MYO9A: variants seen among roughly 807,000 people sequenced by gnomAD.
The protein encoded by MYO9A is unconventional myosin-IXa.
Under a neutral mutation model 293.3 loss-of-function variants are expected in MYO9A, and 103 were observed. That is an observed-to-expected ratio of 0.35 (90% CI 0.30 to 0.41). The LOEUF (loss-of-function observed/expected upper bound fraction) is 0.41. Among genes scored for constraint, MYO9A ranks in the 10% least tolerant of loss-of-function variants. MYO9A has a pLI of 1.00. For missense variants in MYO9A, 2,685 were observed against 3,033.0 expected, an observed-to-expected ratio of 0.89 and a Z score of 2.69; for synonymous variants, 1,001 against 1,035.7, an observed-to-expected ratio of 0.97 and a Z score of 0.64.
chr15:71,945,680 TA>T (rs2058896671), intron 15 of MYO9A, among the ~76,000 whole-genome samples: 1 of 152,128 alleles, frequency 6.6e-6, no homozygotes, highest in Non-Finnish European at 1.5e-5. Flanking sequence ...ACACTTCCTA[TA>T]TTAATGAATT....
intron 2 of MYO9A, chr15:72,041,138 G>A (rs2078215085): frequency 2.9e-6 from 2 of 699,822 alleles, no homozygotes; most frequent in Admixed American, 1.9e-5. Flanking sequence ...CCACCTATTT[G>A]GGAGGCTGAG....
At chr15:71,928,027 A>ATATATATATATATATATATATATATAT (rs2058360113) in intron 18 of MYO9A, among the ~76,000 whole-genome samples, 1 of 10,754 alleles carries the variant, frequency 9.3e-5, no homozygotes, top group Admixed American at 1.4e-3. Context: ...ATACCTTTCT[A>ATATATATATATATATATATATATATAT]ATATATATAT....
At chr15:72,078,024 C>G (rs1257089342) in intron 1 of MYO9A, among the ~76,000 whole-genome samples, 1 of 151,998 alleles carries the variant, frequency 6.6e-6, no homozygotes, top group Non-Finnish European at 1.5e-5. Context: ...AATGACAAAA[C>G]CAAATGCTAG....
intron 39 of MYO9A, among the ~76,000 whole-genome samples, chr15:71,845,398 T>C (rs2055340762): frequency 1.3e-5 from 2 of 152,348 alleles, no homozygotes; most frequent in South Asian, 4.1e-4. Flanking sequence ...GCCGGTAGTA[T>C]TATATGTATT....
In MYO9A at chr15:71,880,353, A is replaced by T; in HGVS notation, c.5604T>A (p.Asp1868Glu). The change falls in exon 29 of 42, where the codon GAT becomes GAA. Residue 1868 changes from aspartate (D) to glutamate (E), a missense_variant. Asp to Glu is a conservative substitution (Grantham distance 45, BLOSUM62 2). Around this residue, in one of 10 missense-constraint regions of MYO9A, gnomAD observed 1,434 missense variants for 1,497.7 expected, o/e 0.96. Coordinates refer to ENST00000356056, the MANE Select transcript of MYO9A (RefSeq NM_006901.4). ...AGTGTACCTTTTTCAGAAGAAATTC[A>T]TCCATGCTTTTTAAATCACTGACAC... ...IASVSDLKSM[D>E]EFLLKKVNDL... 1 of 1,614,188 alleles carries T rather than the reference A, an allele frequency of 6.2e-7. No homozygotes were observed. The highest frequency in any genetic ancestry group is 8.5e-7 in the Non-Finnish European group (1 of 1,179,998).
At chr15:71,856,500 A>G (rs535631709) in intron 34 of MYO9A, among the ~76,000 whole-genome samples, 19 of 152,270 alleles carry the variant, frequency 1.2e-4, no homozygotes, top group African/African-American at 4.6e-4. Context: ...CAAGTAATAG[A>G]TAAGTAAAGA....
At chr15:72,065,277 A>G (rs1196742341) in intron 1 of MYO9A, among the ~76,000 whole-genome samples, 2 of 152,166 alleles carry the variant, frequency 1.3e-5, no homozygotes, top group African/African-American at 4.8e-5. Flanking sequence ...GCACTTTGGG[A>G]GGCCGAGGCA....
chr15:72,089,269 C>A (rs1285851368), intron 1 of MYO9A, among the ~76,000 whole-genome samples: 1 of 152,134 alleles, frequency 6.6e-6, no homozygotes, highest in African/African-American at 2.4e-5. Context: ...CTCAAGCAAT[C>A]CTTCCACCTC....
At position 71,952,822 on chromosome 15, in the gene MYO9A, G is replaced by C. The variant is rs1300782795; in HGVS notation, c.2183-926C>G. Among the ~76,000 whole-genome samples, 3 of 152,154 alleles carry C rather than the reference G, an allele frequency of 2.0e-5. No homozygotes were observed. The East Asian group carries it at 5.8e-4, about 29-fold the overall frequency. ...TGCATTTTACTGTATAATTAGGAAT[G>C]AGATACAACAGAACAATCTTTGGAA... On this transcript the variant is annotated intron_variant, in intron 14 of 41. Transcript: ENST00000356056.
upstream of MYO9A, chr15:72,118,162 A>G: frequency 2.8e-6 from 1 of 358,042 alleles, no homozygotes; most frequent in Non-Finnish European, 4.9e-6. Context: ...CTTACCTCCC[A>G]CGCCCCCTAC....
At chr15:71,831,769 A>G (rs1370944714) in intron 39 of MYO9A, among the ~76,000 whole-genome samples, 1 of 152,216 alleles carries the variant, frequency 6.6e-6, no homozygotes, top group Non-Finnish European at 1.5e-5. Context: ...GGTAACAGGC[A>G]CAAAAGGAGA....
Position 72,010,464 on chromosome 15 carries a change from A to T in MYO9A, c.1156-17T>A. The T allele has an allele frequency of 6.3e-7, 1 of 1,593,576 alleles. No individual in the cohort carries two copies. The highest frequency in any genetic ancestry group is 1.1e-5 in the South Asian group (1 of 89,282). On this transcript the variant is annotated splice_polypyrimidine_tract_variant and intron_variant, in intron 6 of 41. Transcript: ENST00000356056. ...GAAGCAATCCTGCTTATTTAAAATA[A>T]AAGTTTAAAAATCAAGATTATATAT...
In MYO9A at chr15:72,080,173, A is replaced by T. The variant is rs2079496118; in HGVS notation, c.-71-33539T>A. ...GCTTAATTCACATTATATAATTCATATAATAGTGAAGTTGTAATACAGAAT... is the reference window on the plus strand; with the variant it reads ...GCTTAATTCACATTATATAATTCATTTAATAGTGAAGTTGTAATACAGAAT... On this transcript the variant is annotated intron_variant, in intron 1 of 41. Transcript: ENST00000356056. Among the ~76,000 whole-genome samples the T allele has an allele frequency of 2.0e-5, 3 of 152,210 alleles. No individual in the cohort carries two copies. The South Asian group carries it at 6.2e-4, about 31-fold the overall frequency.
intron 11 of MYO9A, among the ~76,000 whole-genome samples, chr15:71,983,726 A>G (rs999436010): frequency 2.6e-5 from 4 of 151,414 alleles, no homozygotes; most frequent in Admixed American, 2.6e-4. Context: ...CAGGTGATCC[A>G]CCTGCCTCAG....
intron 27 of MYO9A, among the ~76,000 whole-genome samples, chr15:71,887,517 C>T (rs555005696): frequency 6.6e-6 from 1 of 152,178 alleles, no homozygotes; most frequent in East Asian, 1.9e-4. Flanking sequence ...AGGAATCTAC[C>T]AACTTTACTC....
At chr15:71,878,260 G>GT (rs1436282056) in intron 30 of MYO9A, 29 bp from the exon 31 acceptor site, 1 of 1,440,434 alleles carries the variant, frequency 6.9e-7, no homozygotes, top group Non-Finnish European at 9.3e-7. Context: ...GAAATGTATG[G>GT]TTTTATAAAG....
At chr15:71,989,376 G>A (rs1209928206) in intron 11 of MYO9A, among the ~76,000 whole-genome samples, 1 of 152,152 alleles carries the variant, frequency 6.6e-6, no homozygotes, top group African/African-American at 2.4e-5. Flanking sequence ...CAAGCATACA[G>A]TTGGCCCTCC....
At chr15:71,879,895 C>T in intron 29 of MYO9A, 58 bp from the exon 30 acceptor site, 1 of 1,136,716 alleles carries the variant, frequency 8.8e-7, no homozygotes, top group Non-Finnish European at 1.3e-6. Flanking sequence ...GAAGTAAATA[C>T]AACAGTAGGC....
rs949428033 is a variant in MYO9A at position 71,982,267 on chromosome 15, A to G, written c.1723-3975T>C. Among the ~76,000 whole-genome samples the G allele has an allele frequency of 2.6e-5, 4 of 151,816 alleles. No individual in the cohort carries two copies. The East Asian group carries it at 7.7e-4, about 29-fold the overall frequency. ...GATATCCTGACCTCGTGATCTGCCC[A>G]CCTCAGCCTCCCAAAGTGCTGGGAT... On this transcript the variant is annotated intron_variant, in intron 11 of 41. Coordinates refer to ENST00000356056, the MANE Select transcript of MYO9A (RefSeq NM_006901.4).
Sources: gnomAD v4.1 joint callset for allele counts (sites outside exome capture counted in the v4.1 genomes callset) on GRCh38, gnomAD v4.1.1 for gene constraint, gnomAD v4.1.1 regional missense constraint, MANE v1.5 for transcripts, NCBI Gene and HGNC (gene_info 2026-07-23, HGNC 2026-07-21) for gene names.